The following IMMP2L variants were observed in gnomAD, a reference collection of about 807,000 sequenced individuals.
IMMP2L encodes the protein inner mitochondrial membrane peptidase subunit 2.
IMMP2L carries 18 observed loss-of-function variants against 19.3 expected under a neutral mutation model. The ratio of observed to expected loss-of-function variants is 0.93; its 90% CI spans 0.64 to 1.38. The LOEUF (loss-of-function observed/expected upper bound fraction) is 1.38, where lower values mean the gene tolerates loss of function less well. Ranked by LOEUF, IMMP2L falls within the 40% of genes most tolerant of loss-of-function variation. IMMP2L has a pLI of 0.00. For missense variants in IMMP2L, 233 were observed against 218.2 expected (o/e 1.07, Z -0.43); for synonymous variants, 76 against 73.0 (o/e 1.04, Z -0.21).
chr7:111,487,164 G>A, intron 3 of IMMP2L, 74 bp downstream of exon 3: 1 of 682,428 alleles, frequency 1.5e-6, no homozygotes, highest in Non-Finnish European at 2.6e-6. Context: ...GATATTAACA[G>A]TGGATTACCA....
chr7:110,666,753 T>C (rs1394286953), intron 5 of IMMP2L, among the ~76,000 whole-genome samples: 1 of 152,210 alleles, frequency 6.6e-6, no homozygotes, highest in Non-Finnish European at 1.5e-5. Flanking sequence ...CCCACAACAT[T>C]AACACATTTA....
intron 3 of IMMP2L, among the ~76,000 whole-genome samples, chr7:111,251,169 A>G (rs904019139): frequency 1.3e-5 from 2 of 152,248 alleles, no homozygotes; most frequent in Non-Finnish European, 2.9e-5. Context: ...ACTCATCATT[A>G]GAGAAATAAA....
rs143927086 is a variant in IMMP2L at position 111,216,747 on chromosome 7, T to C, written c.240-253182A>G. ...AAAGATGAGACATCCAATTATATCA[T>C]ATGAGGCACTAACAAATGCAAATAG... On this transcript the variant is annotated intron_variant, in intron 3 of 5. Transcript: ENST00000405709. Among the ~76,000 whole-genome samples, 401 of 152,222 alleles carry C rather than the reference T, an allele frequency of 2.6e-3. 4 individuals are homozygous for C. The highest frequency in any genetic ancestry group is 0.017 in the Middle Eastern group (5 of 294).
Position 110,924,582 on chromosome 7 carries a change from A to G in IMMP2L, c.306-37887T>C, listed in dbSNP as rs1000166048. ...AAGGGCAGATAATAACGTCCTCACT[A>G]GGAAACAGGATTCTCAAGTTAGAGA... On this transcript the variant is annotated intron_variant, in intron 4 of 5. Coordinates refer to ENST00000405709, the MANE Select transcript of IMMP2L (RefSeq NM_032549.4). The surrounding 1 kb of genome is among the most constrained non-coding windows in gnomAD (Gnocchi z 4.2). Among the ~76,000 whole-genome samples, 1 of 152,180 alleles carries G rather than the reference A, an allele frequency of 6.6e-6. No individual in the cohort carries two copies. The highest frequency in any genetic ancestry group is 6.6e-5 in the Admixed American group (1 of 15,262).
In IMMP2L at chr7:111,253,013, A is replaced by G. The variant is rs114956267; in HGVS notation, c.239+234225T>C. Among the ~76,000 whole-genome samples the G allele has an allele frequency of 2.5e-3, 388 of 152,262 alleles. 2 individuals are homozygous for G. The highest frequency in any genetic ancestry group is 8.7e-3 in the African/African-American group (362 of 41,554). ...TATAAAATGTTCATAGATTTTACCAATATTGCCTACGCTTCTTCTAATTTC... is the reference window on the plus strand; with the variant it reads ...TATAAAATGTTCATAGATTTTACCAGTATTGCCTACGCTTCTTCTAATTTC... On this transcript the variant is annotated intron_variant, in intron 3 of 5. Transcript: ENST00000405709.
chr7:111,541,864 CAACT>C (rs1563334837), intron 1 of IMMP2L, among the ~76,000 whole-genome samples: 1 of 152,014 alleles, frequency 6.6e-6, no homozygotes, highest in African/African-American at 2.4e-5. Flanking sequence ...TGTCCCTAAC[CAACT>C]GTTATCCAAG....
chr7:110,675,819 AG>A (rs1333728751), intron 5 of IMMP2L, among the ~76,000 whole-genome samples: 1 of 152,200 alleles, frequency 6.6e-6, no homozygotes, highest in East Asian at 1.9e-4. Flanking sequence ...AGGACACTTA[AG>A]AGTGAAGGGG....
At chr7:110,915,510 T>C (rs1813511946) in intron 4 of IMMP2L, among the ~76,000 whole-genome samples, 1 of 152,170 alleles carries the variant, frequency 6.6e-6, no homozygotes, top group Non-Finnish European at 1.5e-5. Context: ...GTTGCAGTTA[T>C]AAGATAAATA....
intron 3 of IMMP2L, among the ~76,000 whole-genome samples, chr7:111,467,571 T>A (rs1840797505): frequency 1.3e-5 from 2 of 152,184 alleles, no homozygotes; most frequent in South Asian, 4.1e-4. Flanking sequence ...TGAGTTCATG[T>A]CTAGACTTCC....
intron 3 of IMMP2L, among the ~76,000 whole-genome samples, chr7:111,464,254 G>A (rs535653965): frequency 3.3e-5 from 5 of 152,280 alleles, no homozygotes; most frequent in African/African-American, 9.6e-5. Context: ...TGGGAGAATC[G>A]TTTGAAGTCA....
intron 2 of IMMP2L, among the ~76,000 whole-genome samples, chr7:111,515,810 T>G (rs1052829300): frequency 2.6e-5 from 4 of 152,086 alleles, no homozygotes; most frequent in African/African-American, 9.7e-5. Context: ...TTTCCCCCAT[T>G]ATAACATAAA....
At chr7:111,067,462 G>A (rs771894582) in intron 3 of IMMP2L, among the ~76,000 whole-genome samples, 2 of 152,184 alleles carry the variant, frequency 1.3e-5, no homozygotes, top group African/African-American at 2.4e-5. Context: ...TAGCATTTAC[G>A]AATGTGCTTC....
At chr7:111,208,471 T>A (rs1206482565) in intron 3 of IMMP2L, among the ~76,000 whole-genome samples, 2 of 152,216 alleles carry the variant, frequency 1.3e-5, no homozygotes, top group East Asian at 3.9e-4. Flanking sequence ...CATTTAATTA[T>A]GCCCTGGCCC....
Position 111,213,106 on chromosome 7 carries a change from T to C in IMMP2L, c.240-249541A>G, listed in dbSNP as rs374118160. On this transcript the variant is annotated intron_variant, in intron 3 of 5. Transcript: ENST00000405709. This position sits in a 1 kb window ranked among gnomAD's most constrained non-coding sequence, Gnocchi z 4.8. ...CCAAACCCAGGCATTTCTACACTCTTGGAGGCCAGGAAAGGCCCCCTGTCT... is the reference window on the plus strand; with the variant it reads ...CCAAACCCAGGCATTTCTACACTCTCGGAGGCCAGGAAAGGCCCCCTGTCT... Among the ~76,000 whole-genome samples, 373 of 152,354 alleles carry C rather than the reference T, an allele frequency of 2.4e-3. 2 individuals are homozygous for C. The highest frequency in any genetic ancestry group is 7.6e-3 in the African/African-American group (315 of 41,590).
At chr7:110,897,745 T>A (rs1811467104) in intron 4 of IMMP2L, among the ~76,000 whole-genome samples, 1 of 152,086 alleles carries the variant, frequency 6.6e-6, no homozygotes, top group Non-Finnish European at 1.5e-5. Flanking sequence ...GAATGCTATA[T>A]AACCCATAAA....
intron 3 of IMMP2L, among the ~76,000 whole-genome samples, chr7:111,298,240 G>C (rs1293253712): frequency 6.6e-6 from 1 of 151,990 alleles, no homozygotes; most frequent in African/African-American, 2.4e-5. Flanking sequence ...AAGGAGGTGT[G>C]GACTCTAGAA....
At chr7:110,962,742 T>C in intron 4 of IMMP2L, 1 of 1,052,364 alleles carries the variant, frequency 9.5e-7, no homozygotes, top group African/African-American at 1.7e-5. Context: ...GTGAGATTAG[T>C]TAATATGTGT....
At chr7:111,111,273 C>T (rs1484871670) in intron 3 of IMMP2L, among the ~76,000 whole-genome samples, 1 of 149,760 alleles carries the variant, frequency 6.7e-6, no homozygotes, top group Non-Finnish European at 1.5e-5. Context: ...GGGCATATCG[C>T]CCATGCTCTT....
chr7:110,825,442 C>A (rs549957245), intron 5 of IMMP2L, among the ~76,000 whole-genome samples: 1 of 152,082 alleles, frequency 6.6e-6, no homozygotes, highest in South Asian at 2.1e-4. Flanking sequence ...AACTATACTA[C>A]GAGGCTACAG....
Sources: allele counts gnomAD v4.1 joint callset (sites outside exome capture counted in the v4.1 genomes callset), GRCh38; gene constraint gnomAD v4.1.1; non-coding constraint Gnocchi (gnomAD v3.1); transcripts MANE v1.5; gene names NCBI Gene and HGNC (gene_info 2026-07-23, HGNC 2026-07-21).